The following ASCC2 variants were observed in gnomAD, a reference collection of about 807,000 sequenced individuals.
ASCC2 encodes ASC-1 complex subunit P100.
A neutral mutation model predicts 93.5 loss-of-function variants in ASCC2; 42 were observed. The observed-to-expected ratio is 0.45, with a 90% CI of 0.35 to 0.58. ASCC2 has a LOEUF of 0.58. ASCC2 is among the 20% of genes least tolerant of loss of function. The pLI is 0.00. For synonymous variants in ASCC2, 364 were observed against 384.2 expected (o/e 0.95, Z 0.62); for missense variants, 859 against 977.6 (o/e 0.88, Z 1.62).
chr22:29,832,447 C>A lies in ASCC2; in HGVS notation c.-17-105G>T, dbSNP rs2063269544. 7 of 873,074 alleles carry A rather than the reference C, an allele frequency of 8.0e-6. No homozygotes were observed. The East Asian group carries it at 1.9e-4, about 23-fold the overall frequency. 54.1% of individuals were successfully genotyped at this position (873,074 alleles called of 1,614,324 possible). ...AGTCAGAAGAGAAGCTTCAACCTCT[C>A]GCCTTAGGAGGCTCCTGTTGTGGTT... On this transcript the variant is annotated intron_variant, in intron 1 of 19. Coordinates refer to ENST00000307790, the MANE Select transcript of ASCC2 (RefSeq NM_032204.5).
intron 13 of ASCC2, among the ~76,000 whole-genome samples, chr22:29,804,159 G>T (rs914132722): frequency 3.3e-5 from 5 of 152,218 alleles, no homozygotes. Flanking sequence ...GACAGCCACA[G>T]ATTCGGCCAG....
chr22:29,802,353 G>T, intron 13 of ASCC2, 145 bp from the exon 14 acceptor site: 1 of 742,896 alleles, frequency 1.3e-6, no homozygotes, highest in Non-Finnish European at 2.2e-6. Flanking sequence ...TTTGTCAAGT[G>T]ACTCAAGTCT....
At chr22:29,827,217 C>G (rs1394764072) in intron 2 of ASCC2, among the ~76,000 whole-genome samples, 2 of 151,438 alleles carry the variant, frequency 1.3e-5, no homozygotes, top group Non-Finnish European at 2.9e-5. Flanking sequence ...CACAAGTTCT[C>G]CCTTCCAGCC....
At position 29,788,963 on chromosome 22, in the gene ASCC2, G is replaced by A. The variant is rs374255582; in HGVS notation, c.*50C>T. On this transcript the variant is annotated 3_prime_UTR_variant, in exon 20 of 20. Transcript: ENST00000307790. ...AGGAGGCCCCAGGCGATGGGAGCAC[G>A]GCCTGGTGAGTCTGGTGCCGCTGCC... 6.2e-6 allele frequency: 10 copies of A among 1,610,404 alleles called. No homozygotes were observed. Among genetic ancestry groups the A allele is most frequent in the Admixed American group, 5.0e-5 (3 of 59,928 alleles).
chr22:29,789,780 A>G (rs1276295235), intron 19 of ASCC2, among the ~76,000 whole-genome samples: 4 of 152,156 alleles, frequency 2.6e-5, no homozygotes, highest in Non-Finnish European at 4.4e-5. Flanking sequence ...GGCCTCCTGA[A>G]CCCAGCAGAC....
chr22:29,797,564 G>T (rs963404795), intron 15 of ASCC2, among the ~76,000 whole-genome samples: 1 of 152,154 alleles, frequency 6.6e-6, no homozygotes, highest in Non-Finnish European at 1.5e-5. Flanking sequence ...CCTTAACCTC[G>T]CTAAGTCTCA....
At chr22:29,829,653 C>T (rs912951057) in intron 2 of ASCC2, among the ~76,000 whole-genome samples, 6 of 151,660 alleles carry the variant, frequency 4.0e-5, no homozygotes, top group South Asian at 4.2e-4. Flanking sequence ...GAGCCGAGAT[C>T]GCGCCACTGC....
rs1190763669 is a variant in ASCC2 at position 29,804,524 on chromosome 22, A to C, written c.1353+114T>G. On this transcript the variant is annotated intron_variant, in intron 13 of 19. Transcript: ENST00000307790. Reference sequence around the variant, plus strand: ...GCTTGAGGCTGTCTATTCCCCAAAAAAACTTTTTCCCTGAGTATAAAAGCA... The same window carrying C: ...GCTTGAGGCTGTCTATTCCCCAAAACAACTTTTTCCCTGAGTATAAAAGCA... 5.2e-6 allele frequency: 7 copies of C among 1,342,862 alleles called. No homozygotes were observed. In the Admixed American group the frequency reaches 6.4e-5, roughly 12 times the overall value. The allele number at this position is 1,342,862 out of a possible 1,614,324, so 83.2% of individuals were successfully genotyped here.
At chr22:29,815,922 G>A in intron 6 of ASCC2, 84 bp downstream of exon 6, 1 of 1,197,530 alleles carries the variant, frequency 8.4e-7, no homozygotes, top group Admixed American at 2.1e-5. Flanking sequence ...AGCTCCTCCA[G>A]GAAAGTCAGG....
At chr22:29,813,123 C>T (rs999598469) in intron 8 of ASCC2, among the ~76,000 whole-genome samples, 4 of 152,078 alleles carry the variant, frequency 2.6e-5, no homozygotes, top group African/African-American at 9.7e-5. Context: ...TCAGGTGATC[C>T]ACCCGCCTCG....
intron 19 of ASCC2, among the ~76,000 whole-genome samples, chr22:29,789,949 G>A (rs1272144266): frequency 1.3e-5 from 2 of 152,112 alleles, no homozygotes; most frequent in African/African-American, 2.4e-5. Flanking sequence ...AGCTCCCCTC[G>A]AAGATCCCTC....
At chr22:29,808,379 G>A (rs552793588) in intron 8 of ASCC2, among the ~76,000 whole-genome samples, 194 bp from the exon 9 acceptor site, 1 of 152,178 alleles carries the variant, frequency 6.6e-6, no homozygotes, top group Admixed American at 6.5e-5. Context: ...CAGCTCATAA[G>A]AAGTGACCTA....
chr22:29,789,311 A>C, intron 19 of ASCC2, 127 bp from the exon 20 acceptor site: 2 of 1,126,670 alleles, frequency 1.8e-6, no homozygotes, highest in Non-Finnish European at 2.6e-6. Context: ...TCATGTCCCA[A>C]CTTCAGATGG....
chr22:29,799,750 T>A (rs2058856241), intron 15 of ASCC2, among the ~76,000 whole-genome samples: 1 of 152,216 alleles, frequency 6.6e-6, no homozygotes, highest in Non-Finnish European at 1.5e-5. Flanking sequence ...CAACTCTCTG[T>A]CCCTCTGATG....
At chr22:29,791,711 C>T (rs1433282102) in intron 18 of ASCC2, among the ~76,000 whole-genome samples, 1 of 152,172 alleles carries the variant, frequency 6.6e-6, no homozygotes, top group Non-Finnish European at 1.5e-5. Flanking sequence ...ACAAAACACA[C>T]ACACACACAC....
rs560950059 is a variant in ASCC2, at chr22:29,808,212, T to C, written c.834-27A>G. The C allele has an allele frequency of 1.4e-5, 22 of 1,609,964 alleles. 1 individual carries two copies. In the South Asian group the frequency reaches 2.3e-4, roughly 17 times the overall value. On this transcript the variant is annotated intron_variant, in intron 8 of 19. Transcript: ENST00000307790. ...TGTGCAGGCACACACAGGGAAAATG[T>C]TGGATTAGTTCATAAATACCACACT...
intron 15 of ASCC2, among the ~76,000 whole-genome samples, chr22:29,796,384 C>T (rs776391347): frequency 1.2e-4 from 18 of 152,004 alleles, no homozygotes; most frequent in Non-Finnish European, 2.2e-4. Flanking sequence ...AGAGATCTGC[C>T]CTCATGAACT....
At chr22:29,806,147 C>T in intron 12 of ASCC2, 69 bp downstream of exon 12, 1 of 1,537,262 alleles carries the variant, frequency 6.5e-7, no homozygotes, top group Non-Finnish European at 9.0e-7. Flanking sequence ...CTCTGGGTTC[C>T]AGCAGCCTGT....
At chr22:29,798,167 T>C (rs1371228238) in intron 15 of ASCC2, among the ~76,000 whole-genome samples, 1 of 152,208 alleles carries the variant, frequency 6.6e-6, no homozygotes, top group Non-Finnish European at 1.5e-5. Flanking sequence ...CTGGCTATGA[T>C]ATACCTGTAG....
Sources: gnomAD v4.1 joint callset for allele counts (sites outside exome capture counted in the v4.1 genomes callset) on GRCh38, gnomAD v4.1.1 for gene constraint, MANE v1.5 for transcripts, NCBI Gene and HGNC (gene_info 2026-07-23, HGNC 2026-07-21) for gene names.